SPINK13: variants seen among roughly 807,000 people sequenced by gnomAD.
SPINK13 encodes the protein serine protease inhibitor Kazal-type 13.
In SPINK13, 11 loss-of-function variants were observed where a neutral mutation model predicts 11.0. The ratio of observed to expected loss-of-function variants is 1.00; its 90% CI spans 0.63 to 1.65. The LOEUF (loss-of-function observed/expected upper bound fraction) is 1.65. Ranked by LOEUF, SPINK13 falls within the 40% of genes most tolerant of loss-of-function variation. The probability of loss-of-function intolerance (pLI) is 0.00; values close to 1 mark genes in which losing one functional copy is unlikely to be tolerated. For missense variants in SPINK13, 113 were observed against 117.7 expected (o/e 0.96, Z 0.19); for synonymous variants, 31 against 35.6 (o/e 0.87, Z 0.46).
rs368116869 is a variant in SPINK13 at position 148,274,313 on chromosome 5, C to T, written c.71-34C>T. 5.8e-6 allele frequency: 9 copies of T among 1,558,396 alleles called. No homozygotes were observed. In the African/African-American group the frequency reaches 1.1e-4, roughly 19 times the overall value. Reference sequence around the variant, plus strand: ...TGTTATATCCCATGGAGAACTATTTCCTTTAACTTACTGTGTTTATTCTTT... The same window carrying T: ...TGTTATATCCCATGGAGAACTATTTTCTTTAACTTACTGTGTTTATTCTTT... On this transcript the variant is annotated intron_variant, in intron 2 of 4. Transcript: ENST00000398450.
intron 4 of SPINK13, among the ~76,000 whole-genome samples, chr5:148,283,120 A>C (rs1210536792): frequency 1.3e-5 from 2 of 152,112 alleles, no homozygotes; most frequent in Admixed American, 6.6e-5. Flanking sequence ...AGCGATACTT[A>C]ATTCTCCCTG....
At position 148,286,100 on chromosome 5, in the gene SPINK13, T is replaced by C. The variant is rs748422109; in HGVS notation, c.*52T>C. ...TATTCTTTTTCTACTTAATTCAGAATAGTATTTCTTTTAGAGTGTGAGAAT... is the reference window on the plus strand; with the variant it reads ...TATTCTTTTTCTACTTAATTCAGAACAGTATTTCTTTTAGAGTGTGAGAAT... On this transcript the variant is annotated 3_prime_UTR_variant, in exon 5 of 5. Coordinates refer to ENST00000398450, the MANE Select transcript of SPINK13 (RefSeq NM_001040129.3). 7 of 1,178,768 alleles carry C rather than the reference T, an allele frequency of 5.9e-6. No individual in the cohort carries two copies. In the Admixed American group the frequency reaches 1.6e-4, roughly 27 times the overall value. The allele number at this position is 1,178,768 out of a possible 1,614,324, so 73.0% of individuals were successfully genotyped here.
At chr5:148,270,245 A>T in intron 2 of SPINK13, 103 bp downstream of exon 2, 1 of 1,247,592 alleles carries the variant, frequency 8.0e-7, no homozygotes, top group South Asian at 1.3e-5. Flanking sequence ...TTTTGCTGAA[A>T]TGTAAGCCAG....
intron 3 of SPINK13, among the ~76,000 whole-genome samples, chr5:148,279,261 G>A (rs1756478454): frequency 1.3e-5 from 2 of 151,782 alleles, no homozygotes; most frequent in Admixed American, 1.3e-4. Context: ...TTTAATTGGG[G>A]CATTTAGCCC....
chr5:148,279,928 G>A (rs1361094374), intron 3 of SPINK13, among the ~76,000 whole-genome samples: 3 of 152,180 alleles, frequency 2.0e-5, no homozygotes, highest in Admixed American at 6.5e-5. Context: ...CCAGTAAAAT[G>A]TAGGTTTGGT....
chr5:148,276,392 T>C (rs1756430436), intron 3 of SPINK13, among the ~76,000 whole-genome samples: 1 of 152,236 alleles, frequency 6.6e-6, no homozygotes, highest in South Asian at 2.1e-4. Context: ...TCCTAAATAG[T>C]ATTGCCTAGG....
At position 148,273,981 on chromosome 5, in the gene SPINK13, C is replaced by G. The variant is rs577409609; in HGVS notation, c.71-366C>G. Reference sequence around the variant, plus strand: ...TGGCCTGATACATTACTTACTATATCATATTTACTTTTTTAAATTTTAAAA... The same window carrying G: ...TGGCCTGATACATTACTTACTATATGATATTTACTTTTTTAAATTTTAAAA... On this transcript the variant is annotated intron_variant, in intron 2 of 4. Transcript: ENST00000398450. Among the ~76,000 whole-genome samples the G allele has an allele frequency of 1.6e-3, 250 of 152,292 alleles. 2 individuals are homozygous for G. Among genetic ancestry groups the G allele is most frequent in the African/African-American group, 5.7e-3 (239 of 41,566 alleles).
intron 3 of SPINK13, among the ~76,000 whole-genome samples, chr5:148,277,280 C>A (rs1296049501): frequency 1.3e-5 from 2 of 152,164 alleles, no homozygotes; most frequent in African/African-American, 4.8e-5. Context: ...CTTTCTCTTG[C>A]CTGAATACCC....
At chr5:148,280,327 C>T (rs1231748060) in intron 3 of SPINK13, among the ~76,000 whole-genome samples, 1 of 152,146 alleles carries the variant, frequency 6.6e-6, no homozygotes, top group East Asian at 1.9e-4. Flanking sequence ...TGTTTCCTTG[C>T]TGCCAAGGAG....
intron 3 of SPINK13, among the ~76,000 whole-genome samples, chr5:148,280,642 C>G (rs922364844): frequency 6.6e-6 from 1 of 152,194 alleles, no homozygotes; most frequent in Admixed American, 6.5e-5. Flanking sequence ...GCTGCCTGCT[C>G]CTTCCTCTGG....
Position 148,286,102 on chromosome 5 carries a change from G to C in SPINK13, c.*54G>C. ...TTCTTTTTCTACTTAATTCAGAATA[G>C]TATTTCTTTTAGAGTGTGAGAATGT... is the stretch of plus-strand genomic sequence containing the variant. On this transcript the variant is annotated 3_prime_UTR_variant, in exon 5 of 5. Transcript: ENST00000398450. 8.5e-7 allele frequency: 1 copy of C among 1,174,002 alleles called. No individual in the cohort carries two copies. The highest frequency in any genetic ancestry group is 1.6e-5 in the South Asian group (1 of 62,200). 72.7% of individuals were successfully genotyped at this position (1,174,002 alleles called of 1,614,324 possible). A position where few individuals can be genotyped will look rare whatever the true frequency, so the allele number is the denominator to read the frequency against.
chr5:148,286,123 A>G lies in SPINK13; in HGVS notation c.*75A>G, dbSNP rs2113379518. 1.0e-6 allele frequency: 1 copy of G among 994,646 alleles called. No individual in the cohort carries two copies. The highest frequency in any genetic ancestry group is 1.4e-6 in the Non-Finnish European group (1 of 701,058). 61.6% of individuals were successfully genotyped at this position (994,646 alleles called of 1,614,324 possible). A position where few individuals can be genotyped will look rare whatever the true frequency, so the allele number is the denominator to read the frequency against. The stretch of plus-strand genomic sequence containing the variant: ...AATAGTATTTCTTTTAGAGTGTGAG[A>G]ATGTAAATTAAATAACATCCCTATG... On this transcript the variant is annotated 3_prime_UTR_variant, in exon 5 of 5. Coordinates refer to ENST00000398450, the MANE Select transcript of SPINK13 (RefSeq NM_001040129.3).
Position 148,276,969 on chromosome 5 carries a change from T to TGGA in SPINK13, c.108+2585_108+2586insGGA, listed in dbSNP as rs543254836. Among the ~76,000 whole-genome samples the TGGA allele has an allele frequency of 1.1e-4, 16 of 152,356 alleles. 1 individual carries two copies. In the South Asian group the frequency reaches 3.3e-3, roughly 32 times the overall value. On this transcript the variant is annotated intron_variant, in intron 3 of 4. Transcript: ENST00000398450. Reference sequence around the variant, plus strand: ...TATTTCCTTGAACAGTGGTTTGTAGTTCTCCTTGAAGAGGTCCTTCACATC... The same window carrying TGGA: ...TATTTCCTTGAACAGTGGTTTGTAGTGGATCTCCTTGAAGAGGTCCTTCACATC...
intron 3 of SPINK13, among the ~76,000 whole-genome samples, chr5:148,275,347 G>T (rs1415150516): frequency 3.9e-5 from 6 of 152,168 alleles, no homozygotes; most frequent in African/African-American, 1.4e-4. Flanking sequence ...GTATTCCATG[G>T]TATATATGTG....
chr5:148,280,653 A>C (rs1198131195), intron 3 of SPINK13, among the ~76,000 whole-genome samples: 1 of 152,148 alleles, frequency 6.6e-6, no homozygotes, highest in Non-Finnish European at 1.5e-5. Flanking sequence ...CTTCCTCTGG[A>C]AACTTTGTCC....
rs1031677666 is a variant in SPINK13, at chr5:148,285,288, T to A, written c.237-712T>A. ...GCAATTCCTGAACCAAATAAGTGCA[T>A]TAGATATATATCAAAGGTGAACCTG... is the stretch of plus-strand genomic sequence containing the variant. On this transcript the variant is annotated intron_variant, in intron 4 of 4. Transcript: ENST00000398450. Among the ~76,000 whole-genome samples, 5 of 152,156 alleles carry A rather than the reference T, an allele frequency of 3.3e-5. No homozygotes were observed. In the South Asian group the frequency reaches 8.3e-4, roughly 25 times the overall value.
At chr5:148,272,958 C>T (rs1229920593) in intron 2 of SPINK13, among the ~76,000 whole-genome samples, 1 of 152,166 alleles carries the variant, frequency 6.6e-6, no homozygotes, top group East Asian at 1.9e-4. Context: ...ACTTCATAAA[C>T]ATTCTTCCAA....
Position 148,286,050 on chromosome 5 carries a change from G to A in SPINK13, c.*2G>A, listed in dbSNP as rs1756585910. 6.9e-7 allele frequency: 1 copy of A among 1,440,634 alleles called. No individual in the cohort carries two copies. The highest frequency in any genetic ancestry group is 9.5e-7 in the Non-Finnish European group (1 of 1,052,406). The allele number at this position is 1,440,634 out of a possible 1,614,324, so 89.2% of individuals were successfully genotyped here. A position where few individuals can be genotyped will look rare whatever the true frequency, so the allele number is the denominator to read the frequency against. On this transcript the variant is annotated 3_prime_UTR_variant, in exon 5 of 5. Transcript: ENST00000398450. ...GAAAAATATGGAAAATGTGATTAAT[G>A]GGTACCAGAGTAACTACACTTGCTT...
At chr5:148,274,265 C>T in intron 2 of SPINK13, 82 bp from the exon 3 acceptor site, 2 of 898,240 alleles carry the variant, frequency 2.2e-6, no homozygotes, top group East Asian at 5.2e-5. Flanking sequence ...TTACATTATT[C>T]AATCAGTGAC....
Sources: allele counts gnomAD v4.1 joint callset (sites outside exome capture counted in the v4.1 genomes callset), GRCh38; gene constraint gnomAD v4.1.1; transcripts MANE v1.5; gene names NCBI Gene and HGNC (gene_info 2026-07-23, HGNC 2026-07-21).